Variants in PTPRM observed in about 807,000 individuals in gnomAD.
PTPRM encodes the protein protein tyrosine phosphatase receptor type M.
Under a neutral mutation model 186.7 loss-of-function variants are expected in PTPRM, and 47 were observed. The observed-to-expected ratio is 0.25, with a 90% CI of 0.20 to 0.32. The LOEUF (loss-of-function observed/expected upper bound fraction) is 0.32, where lower values mean the gene tolerates loss of function less well. Ranked by LOEUF, PTPRM falls within the 10% of genes least tolerant of loss-of-function variation. The probability of loss-of-function intolerance (pLI) is 1.00; values close to 1 mark genes in which losing one functional copy is unlikely to be tolerated. For missense variants in PTPRM, 1,494 were observed against 1,865.0 expected, an observed-to-expected ratio of 0.80 and a Z score of 3.66; for synonymous variants, 668 against 674.9, an observed-to-expected ratio of 0.99 and a Z score of 0.16.
chr18:7,584,876 A>G (rs2036936890), intron 1 of PTPRM, among the ~76,000 whole-genome samples: 1 of 152,226 alleles, frequency 6.6e-6, no homozygotes, highest in Non-Finnish European at 1.5e-5. Context: ...CCTGGGAGCC[A>G]GGCCTGTGCT....
chr18:8,289,454 A>G (rs1280792339), intron 19 of PTPRM, among the ~76,000 whole-genome samples: 1 of 86,452 alleles, frequency 1.2e-5, no homozygotes, highest in Non-Finnish European at 2.3e-5. Context: ...GTATATATGT[A>G]TATACATATA....
chr18:8,032,811 T>C (rs1490263141), intron 7 of PTPRM, among the ~76,000 whole-genome samples: 1 of 152,104 alleles, frequency 6.6e-6, no homozygotes, highest in Non-Finnish European at 1.5e-5. Context: ...AGTTATTTAC[T>C]AACTGGTTTG....
intron 10 of PTPRM, 36 bp downstream of exon 10, chr18:8,085,908 A>G: frequency 1.3e-6 from 2 of 1,586,784 alleles, no homozygotes; most frequent in Non-Finnish European, 1.7e-6. Flanking sequence ...TTTTATCAGA[A>G]GTAACATTTT....
chr18:7,935,046 A>C (rs1385372390), intron 5 of PTPRM, among the ~76,000 whole-genome samples: 1 of 152,206 alleles, frequency 6.6e-6, no homozygotes, highest in Non-Finnish European at 1.5e-5. Flanking sequence ...TAAGGAAAAA[A>C]ATCACAACTG....
chr18:8,003,997 T>C (rs1405113913), intron 7 of PTPRM, among the ~76,000 whole-genome samples: 1 of 152,212 alleles, frequency 6.6e-6, no homozygotes, highest in Non-Finnish European at 1.5e-5. Context: ...TAAACTTTTC[T>C]GATGGCCCAG....
intron 7 of PTPRM, among the ~76,000 whole-genome samples, chr18:7,995,385 C>G (rs2083480859): frequency 6.6e-6 from 1 of 151,968 alleles, no homozygotes; most frequent in South Asian, 2.1e-4. Flanking sequence ...ACAATTATTC[C>G]AAAAATTAGA....
rs71165776 is a variant in PTPRM at position 8,238,651 on chromosome 18, G to GTTTTTTT, written c.2301-5380_2301-5374dup. ...TCTGTCTCTTCACACTGTTTTGTGT[G>GTTTTTTT]TTTTTTTTTTTTTTTTTTTTTTTTT... On this transcript the variant is annotated intron_variant, in intron 14 of 32. Coordinates refer to ENST00000580170, the MANE Select transcript of PTPRM (RefSeq NM_001105244.2). Among the ~76,000 whole-genome samples, 73 of 25,732 alleles carry GTTTTTTT rather than the reference G, an allele frequency of 2.8e-3. 12 individuals carry two copies. Among genetic ancestry groups the GTTTTTTT allele is most frequent in the East Asian group, 4.5e-3 (3 of 670 alleles). The allele number at this position is 25,732 out of a possible 152,430, so 16.9% of individuals were successfully genotyped here. A position where few individuals can be genotyped will look rare whatever the true frequency, so the allele number is the denominator to read the frequency against.
intron 20 of PTPRM, among the ~76,000 whole-genome samples, chr18:8,303,434 A>G (rs1208918880): frequency 6.6e-6 from 1 of 152,190 alleles, no homozygotes; most frequent in Admixed American, 6.5e-5. Context: ...TTTGTTTTAT[A>G]GCAGTGTGCT....
intron 1 of PTPRM, among the ~76,000 whole-genome samples, chr18:7,755,857 T>A (rs936689896): frequency 1.3e-5 from 2 of 152,218 alleles, no homozygotes; most frequent in African/African-American, 4.8e-5. Context: ...GCTGAGAGGC[T>A]GCTGTGGTCA....
At chr18:7,750,962 CT>C (rs1391105835) in intron 1 of PTPRM, 4 of 138,986 alleles carry the variant, frequency 2.9e-5, no homozygotes, top group Non-Finnish European at 4.7e-5. Flanking sequence ...AACCCCCCCC[CT>C]CCATTCCACA....
At chr18:7,759,106 T>C (rs548958974) in intron 1 of PTPRM, among the ~76,000 whole-genome samples, 355 of 152,304 alleles carry the variant, frequency 2.3e-3, no homozygotes, top group Non-Finnish European at 3.8e-3. Flanking sequence ...CTTACAGAAA[T>C]TGAGCTGGTC....
At chr18:7,581,955 T>C (rs2036857272) in intron 1 of PTPRM, among the ~76,000 whole-genome samples, 1 of 152,148 alleles carries the variant, frequency 6.6e-6, no homozygotes, top group Non-Finnish European at 1.5e-5. Context: ...ACACCCCACC[T>C]GGCATAAAAT....
At chr18:7,659,494 T>A (rs1334673360) in intron 1 of PTPRM, among the ~76,000 whole-genome samples, 1 of 152,166 alleles carries the variant, frequency 6.6e-6, no homozygotes, top group Non-Finnish European at 1.5e-5. Flanking sequence ...ATCACCTGTG[T>A]CTCCTTTCCT....
rs1257352406 is a variant in PTPRM, at chr18:7,568,826, C to G, written c.73+935C>G. ...CGGGGGTCCGGCGTGGGGGCGAACC[C>G]GGCACGCTGTCACAGGGGTTTACAA... is the stretch of plus-strand genomic sequence containing the variant. On this transcript the variant is annotated intron_variant, in intron 1 of 32. Transcript: ENST00000580170. This position sits in a 1 kb window ranked among gnomAD's most constrained non-coding sequence, Gnocchi z 5.1. Among the ~76,000 whole-genome samples the G allele has an allele frequency of 6.6e-6, 1 of 152,112 alleles. No individual in the cohort carries two copies. The highest frequency in any genetic ancestry group is 1.5e-5 in the Non-Finnish European group (1 of 68,024).
At chr18:8,078,811 A>T (rs982632964) in intron 9 of PTPRM, among the ~76,000 whole-genome samples, 1 of 152,154 alleles carries the variant, frequency 6.6e-6, no homozygotes, top group Non-Finnish European at 1.5e-5. Context: ...ACATGGCGAG[A>T]GCAGGAGCAA....
At chr18:7,808,445 G>C (rs1049842163) in intron 2 of PTPRM, among the ~76,000 whole-genome samples, 4 of 152,200 alleles carry the variant, frequency 2.6e-5, no homozygotes, top group Non-Finnish European at 4.4e-5. Flanking sequence ...TGAAATCTGT[G>C]TCTTCTTAAT....
intron 1 of PTPRM, among the ~76,000 whole-genome samples, chr18:7,725,878 G>A (rs945735546): frequency 6.6e-6 from 1 of 152,136 alleles, no homozygotes; most frequent in African/African-American, 2.4e-5. Flanking sequence ...CACAAGTGTG[G>A]GTGCAAACGG....
chr18:8,335,833 C>G (rs1054505990), intron 22 of PTPRM, among the ~76,000 whole-genome samples: 2 of 152,020 alleles, frequency 1.3e-5, no homozygotes, highest in African/African-American at 4.8e-5. Flanking sequence ...ACCAGCCTGG[C>G]CAACACAGCA....
chr18:7,689,554 CTGCTCATTTTTTAA>C (rs1019663246), intron 1 of PTPRM, among the ~76,000 whole-genome samples: 1 of 152,224 alleles, frequency 6.6e-6, no homozygotes, highest in African/African-American at 2.4e-5. Flanking sequence ...CTATGGCCTC[CTGCTCATTTTTTAA>C]TCAACTTGAT....
Sources: gnomAD v4.1 joint callset for allele counts (sites outside exome capture counted in the v4.1 genomes callset) on GRCh38, gnomAD v4.1.1 for gene constraint, Gnocchi (gnomAD v3.1) non-coding constraint, MANE v1.5 for transcripts, NCBI Gene and HGNC (gene_info 2026-07-23, HGNC 2026-07-21) for gene names.